MYO16: variants seen among roughly 807,000 people sequenced by gnomAD.
MYO16 encodes the protein unconventional myosin-XVI.
A neutral mutation model predicts 205.3 loss-of-function variants in MYO16; 94 were observed. That is an observed-to-expected ratio of 0.46 (90% CI 0.39 to 0.54). MYO16 has a LOEUF of 0.54. Ranked by LOEUF, MYO16 falls within the 20% of genes least tolerant of loss-of-function variation. The probability of loss-of-function intolerance (pLI) is 0.00; values close to 1 mark genes in which losing one functional copy is unlikely to be tolerated. For synonymous variants in MYO16, 988 were observed against 954.0 expected (o/e 1.04, Z -0.66); for missense variants, 2,315 against 2,387.5 (o/e 0.97, Z 0.63).
At chr13:108,533,704 A>C in the MYO16 span, among the ~76,000 whole-genome samples, 2 of 152,232 alleles carry the variant, frequency 1.3e-5, no homozygotes, top group East Asian at 1.9e-4. Context: ...TGAAATAAGC[A>C]CAGCAAATAT....
chr13:108,926,059 C>T (rs971335803), intron 16 of MYO16, among the ~76,000 whole-genome samples: 4 of 152,216 alleles, frequency 2.6e-5, no homozygotes, highest in East Asian at 1.9e-4. Context: ...GAGCCGCGTG[C>T]TCCATGGCTC....
At chr13:108,598,695 A>G (rs1878649912) in intron 1 of MYO16, among the ~76,000 whole-genome samples, 1 of 152,230 alleles carries the variant, frequency 6.6e-6, no homozygotes, top group Admixed American at 6.5e-5. Context: ...AAGGATGAGT[A>G]TGATCTCCTC....
chr13:108,937,234 TC>T (rs1270007392), intron 16 of MYO16, among the ~76,000 whole-genome samples: 2 of 152,180 alleles, frequency 1.3e-5, no homozygotes, highest in East Asian at 3.8e-4. Flanking sequence ...CTGATGGGGT[TC>T]CCCCTTTGTA....
intron 4 of MYO16, among the ~76,000 whole-genome samples, chr13:108,761,277 G>A (rs909260537): frequency 9.9e-5 from 15 of 151,998 alleles, no homozygotes; most frequent in African/African-American, 3.4e-4. Flanking sequence ...ACAGAGATGC[G>A]GCAGTGCTCT....
At chr13:108,578,547 G>T in the MYO16 span, among the ~76,000 whole-genome samples, 1 of 152,160 alleles carries the variant, frequency 6.6e-6, no homozygotes, top group South Asian at 2.1e-4. Flanking sequence ...TTTGGTGGGT[G>T]CTGTGTACTT....
intron 1 of MYO16, among the ~76,000 whole-genome samples, chr13:108,608,729 G>T (rs1006883219): frequency 2.0e-5 from 3 of 151,750 alleles, no homozygotes; most frequent in African/African-American, 7.3e-5. Context: ...TGCAACCTCC[G>T]CCTCCAGGGT....
At chr13:108,628,284 G>A (rs1306952472), upstream of MYO16, among the ~76,000 whole-genome samples, 1 of 152,162 alleles carries the variant, frequency 6.6e-6, no homozygotes, top group African/African-American at 2.4e-5. Context: ...CATTCCTGAT[G>A]AAGGCTGCAA....
In MYO16 at chr13:109,194,124, A is replaced by AT. The variant is rs139743418; in HGVS notation, c.5416-12480dup. Among the ~76,000 whole-genome samples the AT allele has an allele frequency of 7.0e-4, 106 of 152,232 alleles. 1 individual carries two copies. The highest frequency in any genetic ancestry group is 1.5e-3 in the South Asian group (7 of 4,820). On this transcript the variant is annotated intron_variant, in intron 34 of 34. Transcript: ENST00000457511. The stretch of plus-strand genomic sequence containing the variant: ...TTGTCTAAGCATCTTTATTCATATA[A>AT]TTTTTATGCACTTATGTCTTGTTAC...
At chr13:108,957,848 T>C in intron 17 of MYO16, 49 bp downstream of exon 17, 1 of 1,386,346 alleles carries the variant, frequency 7.2e-7, no homozygotes, top group Non-Finnish European at 1.0e-6. Context: ...CTTCTACTAA[T>C]TTATAAAAGT....
chr13:108,939,042 G>A (rs1013077012), intron 16 of MYO16, among the ~76,000 whole-genome samples: 1 of 152,230 alleles, frequency 6.6e-6, no homozygotes, highest in Non-Finnish European at 1.5e-5. Flanking sequence ...TACTTTCACA[G>A]TTCTGGCTGT....
the MYO16 span, among the ~76,000 whole-genome samples, chr13:108,558,413 G>T: frequency 6.6e-6 from 1 of 152,212 alleles, no homozygotes; most frequent in Non-Finnish European, 1.5e-5. Flanking sequence ...TGAATCAAAG[G>T]GTAAGACATT....
At chr13:109,145,506 A>G (rs1245742984) in intron 32 of MYO16, among the ~76,000 whole-genome samples, 1 of 152,240 alleles carries the variant, frequency 6.6e-6, no homozygotes, top group Non-Finnish European at 1.5e-5. Context: ...ATGGGTATGT[A>G]TAATTCTGGG....
Position 108,644,409 on chromosome 13 carries a change from TATCTATC to T in MYO16, c.28+14542_28+14548del, listed in dbSNP as rs879800974. 9.9e-3 allele frequency among the ~76,000 whole-genome samples: 1,275 copies of T among 129,228 alleles called. 16 individuals are homozygous for T. Among genetic ancestry groups the T allele is most frequent in the Middle Eastern group, 0.036 (8 of 220 alleles). The allele number at this position is 129,228 out of a possible 152,430, so 84.8% of individuals were successfully genotyped here. A position where few individuals can be genotyped will look rare whatever the true frequency, so the allele number is the denominator to read the frequency against. On this transcript the variant is annotated intron_variant, in intron 1 of 34. Transcript: ENST00000457511. ...CTATCTATCTATCTATCTATCTATC[TATCTATC>T]ATCTGTTTAAATTACTGCAACCCAT... is the stretch of plus-strand genomic sequence containing the variant.
chr13:108,957,157 G>A (rs1289038095), intron 16 of MYO16, among the ~76,000 whole-genome samples: 1 of 152,064 alleles, frequency 6.6e-6, no homozygotes, highest in Non-Finnish European at 1.5e-5. Context: ...AGGCCGAGGT[G>A]GGTGGATCAC....
At chr13:109,011,005 T>A (rs1190475570) in intron 22 of MYO16, among the ~76,000 whole-genome samples, 1 of 139,454 alleles carries the variant, frequency 7.2e-6, no homozygotes, top group Non-Finnish European at 1.6e-5. Flanking sequence ...TTCAGAGGAC[T>A]CCTCATGGGG....
At chr13:108,767,100 T>G (rs1408835087) in intron 4 of MYO16, among the ~76,000 whole-genome samples, 1 of 132,372 alleles carries the variant, frequency 7.6e-6, no homozygotes, top group African/African-American at 3.2e-5. Context: ...TGTTTGTTTG[T>G]TTTGTTTTGT....
chr13:108,563,962 A>G, the MYO16 span, among the ~76,000 whole-genome samples: 2 of 152,174 alleles, frequency 1.3e-5, no homozygotes, highest in African/African-American at 4.8e-5. Context: ...TCCCACCAAC[A>G]GTGTACTAGG....
chr13:108,855,442 G>C lies in MYO16; in HGVS notation c.1249-1G>C. On this transcript the variant is annotated splice_acceptor_variant, in intron 10 of 34. Transcript: ENST00000457511. LOFTEE classifies it high-confidence loss of function. ...TGATCATACTTTCGGTTCTTCCCCA[G>C]GTCAAGCTAATGCCTCCTGCCCCAA... is the stretch of plus-strand genomic sequence containing the variant. The C allele has an allele frequency of 6.4e-7, 1 of 1,562,882 alleles. No homozygotes were observed. Among genetic ancestry groups the C allele is most frequent in the Non-Finnish European group, 8.8e-7 (1 of 1,141,134 alleles).
At chr13:108,715,002 G>A (rs945220785) in intron 3 of MYO16, among the ~76,000 whole-genome samples, 3 of 152,054 alleles carry the variant, frequency 2.0e-5, no homozygotes, top group Admixed American at 6.6e-5. Flanking sequence ...ATTCACAGCC[G>A]GGTCGTGTCA....
Sources: allele counts gnomAD v4.1 joint callset (sites outside exome capture counted in the v4.1 genomes callset), GRCh38; gene constraint gnomAD v4.1.1; transcripts MANE v1.5; gene names NCBI Gene and HGNC (gene_info 2026-07-23, HGNC 2026-07-21).